ULK4: variants seen among roughly 807,000 people sequenced by gnomAD.
ULK4 encodes the protein unc-51 like kinase 4.
ULK4 carries 133 observed loss-of-function variants against 160.6 expected under a neutral mutation model. The observed-to-expected ratio is 0.83, with a 90% CI of 0.72 to 0.96. ULK4 has a LOEUF of 0.96. ULK4 is among the 40% of genes least tolerant of loss of function. The pLI is 0.00. For missense variants in ULK4, 1,580 were observed against 1,499.5 expected (o/e 1.05, Z -0.89); for synonymous variants, 534 against 539.8 (o/e 0.99, Z 0.15).
intron 22 of ULK4, among the ~76,000 whole-genome samples, chr3:41,722,524 G>A (rs758719443): frequency 3.9e-5 from 6 of 152,066 alleles, no homozygotes; most frequent in Admixed American, 6.5e-5. Context: ...CCAGCTACCC[G>A]GGAGGCTGAG....
chr3:41,931,936 A>G lies in ULK4; in HGVS notation c.449T>C (p.Leu150Ser). 1 of 1,614,058 alleles carries G rather than the reference A, an allele frequency of 6.2e-7. No individual in the cohort carries two copies. The highest frequency in any genetic ancestry group is 8.5e-7 in the Non-Finnish European group (1 of 1,180,006). The change falls in exon 5 of 37, where the codon TTG becomes TCG. Residue 150 changes from leucine (L) to serine (S), a missense_variant. By Grantham distance (145) the Leu-to-Ser change is moderately radical (BLOSUM62 -2). Coordinates refer to ENST00000301831, the MANE Select transcript of ULK4 (RefSeq NM_017886.4). The part of the protein sequence containing the change: ...FCLAKVEGEN[L>S]EEFFALVAAE... ...TGCCACCAAAGCAAAGAACTCTTCCAAATTTTCACCTTCCACTTTTGCCAA... is the reference window on the plus strand; with the variant it reads ...TGCCACCAAAGCAAAGAACTCTTCCGAATTTTCACCTTCCACTTTTGCCAA...
At chr3:41,875,825 G>A (rs1405529937) in intron 17 of ULK4, among the ~76,000 whole-genome samples, 1 of 151,960 alleles carries the variant, frequency 6.6e-6, no homozygotes, top group Non-Finnish European at 1.5e-5. Context: ...AGGAAAAGAT[G>A]TACCTTTACA....
intron 31 of ULK4, among the ~76,000 whole-genome samples, chr3:41,568,992 A>T (rs992234895): frequency 3.3e-5 from 5 of 152,202 alleles, no homozygotes. Flanking sequence ...GAACTCAGGA[A>T]AACACGTTTA....
At chr3:41,501,215 T>C (rs908970700) in intron 32 of ULK4, among the ~76,000 whole-genome samples, 12 of 151,956 alleles carry the variant, frequency 7.9e-5, no homozygotes, top group South Asian at 6.2e-4. Context: ...AATGTTTGGC[T>C]GGGCGCGGTG....
intron 35 of ULK4, among the ~76,000 whole-genome samples, chr3:41,378,671 A>G (rs2081573901): frequency 6.6e-6 from 1 of 151,478 alleles, no homozygotes; most frequent in South Asian, 2.1e-4. Context: ...TAAAAGATAT[A>G]CCTAATGTAA....
intron 32 of ULK4, among the ~76,000 whole-genome samples, chr3:41,487,470 A>AAATGTTCTG (rs1457718253): frequency 6.6e-6 from 1 of 152,188 alleles, no homozygotes; most frequent in African/African-American, 2.4e-5. Context: ...ACAATAATAA[A>AAATGTTCTG]AATGTTCTGA....
chr3:41,918,677 C>G, intron 6 of ULK4, 137 bp from the exon 7 acceptor site: 1 of 456,152 alleles, frequency 2.2e-6, no homozygotes, highest in Non-Finnish European at 3.7e-6. Context: ...TCTCGGCTCA[C>G]TGCACACTCC....
chr3:41,347,857 G>C (rs547261750), intron 35 of ULK4, among the ~76,000 whole-genome samples: 17 of 152,006 alleles, frequency 1.1e-4, no homozygotes, highest in African/African-American at 9.7e-5. Context: ...ACTTGTATGC[G>C]CAATAAGGTA....
chr3:41,830,990 C>G (rs2041560694), intron 18 of ULK4, among the ~76,000 whole-genome samples: 1 of 149,560 alleles, frequency 6.7e-6, no homozygotes, highest in South Asian at 2.1e-4. Flanking sequence ...GTACATCGCA[C>G]AGGGAATGTT....
At chr3:41,758,734 G>A (rs116129024) in intron 21 of ULK4, among the ~76,000 whole-genome samples, 4,494 of 152,030 alleles carry the variant, frequency 0.03, 216 homozygotes, top group African/African-American at 0.1. Flanking sequence ...TTAACAGGGC[G>A]CAGTGGCGGG....
intron 35 of ULK4, among the ~76,000 whole-genome samples, chr3:41,285,586 G>A (rs1035053480): frequency 2.0e-5 from 3 of 152,100 alleles, no homozygotes; most frequent in African/African-American, 4.8e-5. Flanking sequence ...TTGGGGACTT[G>A]GGGGGAAGGG....
chr3:41,315,661 T>C (rs927551647), intron 35 of ULK4, among the ~76,000 whole-genome samples: 1 of 152,246 alleles, frequency 6.6e-6, no homozygotes, highest in South Asian at 2.1e-4. Context: ...AACCCTACTC[T>C]AGGCTGGTGT....
chr3:41,576,972 A>G (rs898271058), intron 31 of ULK4, among the ~76,000 whole-genome samples: 3 of 152,342 alleles, frequency 2.0e-5, no homozygotes, highest in African/African-American at 7.2e-5. Flanking sequence ...TGGAAAGATT[A>G]ATTACACACA....
intron 4 of ULK4, among the ~76,000 whole-genome samples, chr3:41,932,211 T>G (rs1699627981): frequency 6.6e-6 from 1 of 152,242 alleles, no homozygotes; most frequent in Non-Finnish European, 1.5e-5. Context: ...AAATTGTTCA[T>G]TCTCAGATGT....
intron 34 of ULK4, among the ~76,000 whole-genome samples, chr3:41,402,808 G>A (rs1265994895): frequency 6.6e-6 from 1 of 151,934 alleles, no homozygotes. Flanking sequence ...GTCTTTTTTG[G>A]AGAGGACTTT....
chr3:41,600,035 G>A (rs1206577058), intron 31 of ULK4, among the ~76,000 whole-genome samples: 1 of 152,026 alleles, frequency 6.6e-6, no homozygotes, highest in East Asian at 1.9e-4. Flanking sequence ...TGACTCTTAG[G>A]TGGATCTTTC....
chr3:41,710,423 C>T (rs924242221), intron 25 of ULK4, among the ~76,000 whole-genome samples: 13 of 152,130 alleles, frequency 8.5e-5, no homozygotes, highest in Non-Finnish European at 1.9e-4. Flanking sequence ...CTGTTTCCCC[C>T]TCCCCTGCCC....
chr3:41,777,806 G>T (rs1014152974), intron 21 of ULK4, among the ~76,000 whole-genome samples: 3 of 140,032 alleles, frequency 2.1e-5, no homozygotes, highest in African/African-American at 8.2e-5. Context: ...TATAATTTCT[G>T]TTCTTTTACA....
chr3:41,526,406 G>A (rs1362923897), intron 32 of ULK4, among the ~76,000 whole-genome samples: 5 of 152,150 alleles, frequency 3.3e-5, no homozygotes, highest in Admixed American at 2.6e-4. Context: ...GACCCATGTG[G>A]CCACAGCTAA....
Sources: allele counts gnomAD v4.1 joint callset (sites outside exome capture counted in the v4.1 genomes callset), GRCh38; gene constraint gnomAD v4.1.1; transcripts MANE v1.5; gene names NCBI Gene and HGNC (gene_info 2026-07-23, HGNC 2026-07-21).